Variants in EHBP1 observed in about 807,000 individuals in gnomAD.
EHBP1 encodes EH domain binding protein 1, also known as EH domain-binding protein 1.
EHBP1 carries 55 observed loss-of-function variants against 144.0 expected under a neutral mutation model. That is an observed-to-expected ratio of 0.38 (90% CI 0.31 to 0.48). The LOEUF (loss-of-function observed/expected upper bound fraction) is 0.48, where lower values mean the gene tolerates loss of function less well. Among genes scored for constraint, EHBP1 ranks in the 20% least tolerant of loss-of-function variants. The pLI, the probability that EHBP1 is intolerant of heterozygous loss-of-function variation, is 0.98. For synonymous variants in EHBP1, 469 were observed against 472.7 expected (o/e 0.99, Z 0.10); for missense variants, 1,200 against 1,364.2 (o/e 0.88, Z 1.90).
At chr2:62,885,605 T>C (rs1023795429) in intron 10 of EHBP1, among the ~76,000 whole-genome samples, 6 of 152,186 alleles carry the variant, frequency 3.9e-5, no homozygotes, top group Non-Finnish European at 8.8e-5. Flanking sequence ...AATTCAGGAA[T>C]ATAAATGAAA....
intron 5 of EHBP1, among the ~76,000 whole-genome samples, chr2:62,783,339 C>T (rs1333689806): frequency 6.6e-6 from 1 of 152,194 alleles, no homozygotes; most frequent in Non-Finnish European, 1.5e-5. Flanking sequence ...GATGGTGGAC[C>T]TCTTCTCACA....
chr2:62,728,796 CT>C (rs968103164), intron 2 of EHBP1, among the ~76,000 whole-genome samples: 1 of 151,710 alleles, frequency 6.6e-6, no homozygotes, highest in African/African-American at 2.4e-5. Flanking sequence ...GTTACTTGTA[CT>C]TTTGGTGTTG....
chr2:62,703,325 A>G (rs1014747885), upstream of EHBP1, among the ~76,000 whole-genome samples: 1 of 152,118 alleles, frequency 6.6e-6, no homozygotes, highest in Non-Finnish European at 1.5e-5. Flanking sequence ...CCTGAGTGAC[A>G]GAGAGAAACC....
chr2:62,765,800 A>G (rs1193090213), intron 4 of EHBP1, among the ~76,000 whole-genome samples: 1 of 152,178 alleles, frequency 6.6e-6, no homozygotes. Context: ...AGGGATAGGC[A>G]GGGAGAATGG....
In EHBP1 at chr2:62,983,216, A is replaced by G. The variant is rs535055671; in HGVS notation, c.2608+3881A>G. ...ATGAATCTTTCCTGACAAGGTACAG[A>G]TGTTGATAAAGTTTAGTATTTTTGG... On this transcript the variant is annotated intron_variant, in intron 15 of 22. Coordinates refer to ENST00000431489, the MANE Select transcript of EHBP1 (RefSeq NM_001142616.3). Among the ~76,000 whole-genome samples the G allele has an allele frequency of 6.6e-5, 10 of 152,248 alleles. No homozygotes were observed. The South Asian group carries it at 1.7e-3, about 25-fold the overall frequency.
intron 2 of EHBP1, among the ~76,000 whole-genome samples, chr2:62,733,601 T>G (rs1187662511): frequency 1.3e-5 from 2 of 152,244 alleles, no homozygotes; most frequent in African/African-American, 4.8e-5. Context: ...ATTTCACTTC[T>G]CTCAGTTCAT....
intron 2 of EHBP1, among the ~76,000 whole-genome samples, chr2:62,722,566 C>G (rs977607179): frequency 6.6e-6 from 1 of 151,898 alleles, no homozygotes; most frequent in African/African-American, 2.4e-5. Context: ...CCATTGATAC[C>G]AAAAGAAGAA....
intron 19 of EHBP1, among the ~76,000 whole-genome samples, chr2:63,001,551 A>G (rs2059849199): frequency 6.6e-6 from 1 of 152,146 alleles, no homozygotes; most frequent in African/African-American, 2.4e-5. Context: ...GTAATGGCCA[A>G]TATTTTTTGC....
At chr2:62,852,136 T>G (rs2048728470) in intron 7 of EHBP1, among the ~76,000 whole-genome samples, 1 of 152,148 alleles carries the variant, frequency 6.6e-6, no homozygotes, top group Non-Finnish European at 1.5e-5. Flanking sequence ...AAATATAACA[T>G]GTTTAATAAA....
chr2:62,830,153 G>GACACACACAC (rs368948717), intron 6 of EHBP1, among the ~76,000 whole-genome samples: 2,213 of 132,106 alleles, frequency 0.017, 28 homozygotes, highest in Admixed American at 0.033. Flanking sequence ...TATATATATA[G>GACACACACAC]ACACACACAC....
At chr2:62,773,187 C>T (rs1296824919) in intron 5 of EHBP1, among the ~76,000 whole-genome samples, 1 of 152,188 alleles carries the variant, frequency 6.6e-6, no homozygotes, top group East Asian at 1.9e-4. Flanking sequence ...GTGCTATATT[C>T]TCACCTGGAA....
At chr2:63,014,903 G>T (rs570608566) in intron 19 of EHBP1, among the ~76,000 whole-genome samples, 1 of 152,116 alleles carries the variant, frequency 6.6e-6, no homozygotes, top group South Asian at 2.1e-4. Context: ...GCTTGAGCCC[G>T]GGAGGTGGAG....
At chr2:63,043,031 T>A (rs780855773) in intron 21 of EHBP1, among the ~76,000 whole-genome samples, 13 of 152,144 alleles carry the variant, frequency 8.5e-5, no homozygotes, top group Non-Finnish European at 1.8e-4. Context: ...AAACTAGTAA[T>A]CTTAATATAA....
At chr2:62,802,448 A>C (rs773219857) in intron 5 of EHBP1, among the ~76,000 whole-genome samples, 3 of 152,102 alleles carry the variant, frequency 2.0e-5, no homozygotes, top group Non-Finnish European at 2.9e-5. Flanking sequence ...GTCTTAGCTT[A>C]TTTTTCTGCC....
intron 10 of EHBP1, among the ~76,000 whole-genome samples, chr2:62,903,484 C>T (rs2053566535): frequency 1.3e-5 from 2 of 152,074 alleles, no homozygotes; most frequent in African/African-American, 2.4e-5. Context: ...TGAGTCAGGC[C>T]AGGTGCAGTG....
chr2:62,704,390 A>C (rs1166988260), upstream of EHBP1, among the ~76,000 whole-genome samples: 1 of 152,134 alleles, frequency 6.6e-6, no homozygotes, highest in Non-Finnish European at 1.5e-5. Context: ...CCCAATGTCT[A>C]CAGATGGACT....
chr2:62,874,608 A>G (rs1159538417), intron 10 of EHBP1, 76 bp downstream of exon 10: 21 of 1,327,756 alleles, frequency 1.6e-5, no homozygotes, highest in Non-Finnish European at 2.1e-5. Context: ...TAAATTAAGA[A>G]AAGTAATTTT....
chr2:62,765,223 A>T (rs2041082616), intron 4 of EHBP1, among the ~76,000 whole-genome samples: 3 of 152,120 alleles, frequency 2.0e-5, no homozygotes, highest in African/African-American at 7.2e-5. Flanking sequence ...GGAAATGAAC[A>T]TCATTGCTGC....
At position 62,948,879 on chromosome 2, in the gene EHBP1, T is replaced by C. The variant is rs763726364; in HGVS notation, c.2033T>C (p.Phe678Ser). ...SDKKKDMSPP[F>S]ICEETDEQKL... ...AAGAAGAAGGATATGTCTCCACCCT[T>C]TATTTGTGAGGAGACAGATGAACAA... The change falls in exon 13 of 23, where the codon TTT (phenylalanine) becomes TCT (serine). Residue 678 changes from phenylalanine to serine, a missense_variant. Physicochemically the swap from Phe to Ser is radical, Grantham distance 155 (BLOSUM62 -2). Around this residue, in one of 6 missense-constraint regions of EHBP1, gnomAD observed 543 missense variants for 513.1 expected, o/e 1.06. Coordinates refer to ENST00000431489, the MANE Select transcript of EHBP1 (RefSeq NM_001142616.3). The C allele has an allele frequency of 6.2e-7, 1 of 1,613,958 alleles. No homozygotes were observed. The highest frequency in any genetic ancestry group is 8.5e-7 in the Non-Finnish European group (1 of 1,179,968).
Sources: gnomAD v4.1 joint callset for allele counts (sites outside exome capture counted in the v4.1 genomes callset) on GRCh38, gnomAD v4.1.1 for gene constraint, gnomAD v4.1.1 regional missense constraint, MANE v1.5 for transcripts, NCBI Gene and HGNC (gene_info 2026-07-23, HGNC 2026-07-21) for gene names.